Variants in PLCL1 observed in about 807,000 individuals in gnomAD.
PLCL1 encodes the protein phospholipase C like 1 (inactive), also known as inactive phospholipase C-like protein 1.
In PLCL1, 41 loss-of-function variants were observed where a neutral mutation model predicts 84.4. That is an observed-to-expected ratio of 0.49 (90% CI 0.38 to 0.63). PLCL1 has a LOEUF of 0.63. PLCL1 is among the 30% of genes least tolerant of loss of function. The pLI is 0.00. For synonymous variants in PLCL1, 490 were observed against 488.3 expected, an observed-to-expected ratio of 1.00 and a Z score of -0.05; for missense variants, 1,206 against 1,367.8, an observed-to-expected ratio of 0.88 and a Z score of 1.87.
chr2:198,033,977 T>A (rs1691493731), intron 1 of PLCL1, among the ~76,000 whole-genome samples: 1 of 152,134 alleles, frequency 6.6e-6, no homozygotes, highest in Non-Finnish European at 1.5e-5. Flanking sequence ...TTTTAAAAAA[T>A]TTGATTTTTA....
chr2:197,880,865 T>G (rs949370879), intron 1 of PLCL1, among the ~76,000 whole-genome samples: 1 of 152,240 alleles, frequency 6.6e-6, no homozygotes, highest in South Asian at 2.1e-4. Flanking sequence ...GCCTTACCTT[T>G]ATTAGTGCCT....
intron 4 of PLCL1, 87 bp downstream of exon 4, chr2:198,101,447 A>G: frequency 1.4e-6 from 1 of 709,080 alleles, no homozygotes; most frequent in South Asian, 1.8e-5. Context: ...TTTTTCAGAA[A>G]CTTTCTGCTT....
chr2:197,841,702 T>C (rs1382609032), intron 1 of PLCL1, among the ~76,000 whole-genome samples: 1 of 152,238 alleles, frequency 6.6e-6, no homozygotes, highest in East Asian at 1.9e-4. Context: ...TGTGTGAATG[T>C]AGTTTTTAAC....
chr2:198,004,193 T>C (rs1431343602), intron 1 of PLCL1, among the ~76,000 whole-genome samples: 1 of 152,156 alleles, frequency 6.6e-6, no homozygotes, highest in Non-Finnish European at 1.5e-5. Context: ...AATGTTCTGC[T>C]CAGTAGCTAG....
intron 1 of PLCL1, among the ~76,000 whole-genome samples, chr2:197,825,836 C>T (rs1440231613): frequency 6.6e-6 from 1 of 152,188 alleles, no homozygotes; most frequent in Non-Finnish European, 1.5e-5. Flanking sequence ...AATTTTAATG[C>T]CTATCCCACA....
intron 1 of PLCL1, among the ~76,000 whole-genome samples, chr2:198,065,987 T>C (rs1004392764): frequency 1.3e-5 from 2 of 152,176 alleles, no homozygotes; most frequent in Non-Finnish European, 2.9e-5. Context: ...AATTCCTAAT[T>C]ATACCAAATA....
At chr2:197,958,852 G>C (rs2105787777) in intron 1 of PLCL1, among the ~76,000 whole-genome samples, 1 of 151,980 alleles carries the variant, frequency 6.6e-6, no homozygotes, top group African/African-American at 2.4e-5. Context: ...TCTAGTAAGT[G>C]GTAGAGTTGA....
At chr2:197,981,351 G>A (rs1690100324) in intron 1 of PLCL1, among the ~76,000 whole-genome samples, 1 of 152,118 alleles carries the variant, frequency 6.6e-6, no homozygotes, top group Non-Finnish European at 1.5e-5. Context: ...AGATTCTAAG[G>A]TAGATTAAGT....
intron 1 of PLCL1, among the ~76,000 whole-genome samples, chr2:197,840,551 T>G (rs1019361234): frequency 6.6e-6 from 1 of 152,126 alleles, no homozygotes; most frequent in African/African-American, 2.4e-5. Context: ...TGAGGGTGGG[T>G]AAGGCATTTT....
intron 1 of PLCL1, among the ~76,000 whole-genome samples, chr2:198,031,476 A>G: frequency 6.6e-6 from 1 of 151,884 alleles, no homozygotes; most frequent in South Asian, 2.1e-4. Flanking sequence ...TATCAATTGT[A>G]TGGATTGACC....
At chr2:197,993,947 G>A (rs547107751) in intron 1 of PLCL1, among the ~76,000 whole-genome samples, 1 of 152,278 alleles carries the variant, frequency 6.6e-6, no homozygotes, top group South Asian at 2.1e-4. Flanking sequence ...ACCCATTGTT[G>A]GGAGTGCAGT....
intron 5 of PLCL1, among the ~76,000 whole-genome samples, chr2:198,132,323 C>T (rs1367090899): frequency 1.3e-5 from 2 of 152,096 alleles, no homozygotes; most frequent in African/African-American, 2.4e-5. Flanking sequence ...AGGGCCATTC[C>T]AACTCAAGGT....
chr2:198,034,215 G>C (rs1574262458), intron 1 of PLCL1, among the ~76,000 whole-genome samples: 1 of 150,794 alleles, frequency 6.6e-6, no homozygotes, highest in African/African-American at 2.4e-5. Context: ...TCATTGTTCA[G>C]TTCCCACCTA....
At chr2:198,047,824 T>A (rs1391196102) in intron 1 of PLCL1, among the ~76,000 whole-genome samples, 1 of 152,198 alleles carries the variant, frequency 6.6e-6, no homozygotes, top group Non-Finnish European at 1.5e-5. Context: ...ATAAAGCAGA[T>A]CCCAGCTTTA....
chr2:198,133,792 G>C (rs1694186785), intron 5 of PLCL1, among the ~76,000 whole-genome samples: 2 of 152,080 alleles, frequency 1.3e-5, no homozygotes, highest in Non-Finnish European at 2.9e-5. Context: ...ACGTAACTGA[G>C]TTGCTATTTT....
intron 1 of PLCL1, among the ~76,000 whole-genome samples, chr2:197,850,031 GACACACACACACACACACAC>G (rs5837563): frequency 1.5e-5 from 2 of 135,034 alleles, no homozygotes; most frequent in Non-Finnish European, 1.6e-5. Context: ...GACACACACA[GACACACACACACACACACAC>G]ACACACACAC....
chr2:198,051,541 T>A (rs1053836250), intron 1 of PLCL1, among the ~76,000 whole-genome samples: 3 of 152,132 alleles, frequency 2.0e-5, no homozygotes, highest in Admixed American at 6.6e-5. Context: ...CACATTCATA[T>A]CAAGAAGAAC....
Position 197,895,601 on chromosome 2 carries a change from A to G in PLCL1, c.240+90262A>G, listed in dbSNP as rs191096683. Among the ~76,000 whole-genome samples the G allele has an allele frequency of 6.4e-4, 98 of 152,106 alleles. 1 individual carries two copies. The highest frequency in any genetic ancestry group is 2.3e-3 in the African/African-American group (94 of 41,558). ...AATGAAGAATTCAGAACATTTATAT[A>G]TATGTACTTTAAATAGTGTGCTCTG... On this transcript the variant is annotated intron_variant, in intron 1 of 5. Transcript: ENST00000428675.
At position 198,086,181 on chromosome 2, in the gene PLCL1, A is replaced by T; in HGVS notation, c.2664A>T (p.Lys888Asn). ...IGLKTIDDIF[K>N]IAVHPLREAI... ...TTAAAACCATTGATGACATCTTTAA[A>T]ATAGCGGTTCATCCATTACGAGAAG... The change falls in exon 2 of 6, where the codon AAA becomes AAT. Residue 888 changes from lysine (K) to asparagine (N), a missense_variant. By Grantham distance (94) the Lys-to-Asn change is moderately conservative (BLOSUM62 0). Coordinates refer to ENST00000428675, the MANE Select transcript of PLCL1 (RefSeq NM_006226.4). 6.2e-7 allele frequency: 1 copy of T among 1,613,934 alleles called. No homozygotes were observed. Among genetic ancestry groups the T allele is most frequent in the Non-Finnish European group, 8.5e-7 (1 of 1,179,852 alleles).
Sources: gnomAD v4.1 joint callset for allele counts (sites outside exome capture counted in the v4.1 genomes callset) on GRCh38, gnomAD v4.1.1 for gene constraint, MANE v1.5 for transcripts, NCBI Gene and HGNC (gene_info 2026-07-23, HGNC 2026-07-21) for gene names.